PHKB: variants seen among roughly 807,000 people sequenced by gnomAD.
The protein encoded by PHKB is phosphorylase b kinase regulatory subunit beta.
PHKB carries 122 observed loss-of-function variants against 152.1 expected under a neutral mutation model. The observed-to-expected ratio is 0.80, with a 90% CI of 0.69 to 0.93. The LOEUF (loss-of-function observed/expected upper bound fraction) is 0.93. PHKB is among the 40% of genes least tolerant of loss of function. The pLI is 0.00. For synonymous variants in PHKB, 436 were observed against 464.9 expected (o/e 0.94, Z 0.80); for missense variants, 1,304 against 1,328.4 (o/e 0.98, Z 0.29).
At chr16:47,630,955 G>A (rs1172174872) in intron 14 of PHKB, among the ~76,000 whole-genome samples, 2 of 152,066 alleles carry the variant, frequency 1.3e-5, no homozygotes, top group African/African-American at 4.8e-5. Flanking sequence ...GTCTGAGCCT[G>A]CCAGTCTTCA....
At chr16:47,694,711 A>G (rs1567360266) in intron 28 of PHKB, among the ~76,000 whole-genome samples, 2 of 152,206 alleles carry the variant, frequency 1.3e-5, no homozygotes, top group Non-Finnish European at 2.9e-5. Flanking sequence ...GAGCAGCACC[A>G]TCTCTTGAGA....
At chr16:47,552,292 C>T (rs1164046687) in intron 7 of PHKB, among the ~76,000 whole-genome samples, 1 of 152,180 alleles carries the variant, frequency 6.6e-6, no homozygotes, top group Non-Finnish European at 1.5e-5. Context: ...TTACTTCATG[C>T]AGTTTCTTCA....
intron 14 of PHKB, chr16:47,619,413 GC>G (rs1264170040): frequency 6.6e-6 from 1 of 152,124 alleles, no homozygotes; most frequent in Non-Finnish European, 1.5e-5. Context: ...ACACAAAGAT[GC>G]CCCATCAGTA....
At chr16:47,600,006 AC>A (rs1159952258) in intron 13 of PHKB, among the ~76,000 whole-genome samples, 1 of 152,194 alleles carries the variant, frequency 6.6e-6, no homozygotes, top group Non-Finnish European at 1.5e-5. Flanking sequence ...CTGCTTGACA[AC>A]ATTTTGTGGA....
chr16:47,573,638 C>CA (rs1340598978), intron 7 of PHKB, among the ~76,000 whole-genome samples: 2 of 152,196 alleles, frequency 1.3e-5, no homozygotes, highest in Non-Finnish European at 2.9e-5. Flanking sequence ...CTGCCCAAGA[C>CA]AAAGACCAAG....
chr16:47,698,946 C>A (rs1974202225), intron 30 of PHKB, among the ~76,000 whole-genome samples: 1 of 151,986 alleles, frequency 6.6e-6, no homozygotes. Context: ...CTGCGTACTG[C>A]CTAATATAGG....
intron 16 of PHKB, among the ~76,000 whole-genome samples, chr16:47,648,265 C>A (rs1168892415): frequency 1.3e-5 from 2 of 151,998 alleles, no homozygotes; most frequent in African/African-American, 4.8e-5. Flanking sequence ...CAGAGCCATG[C>A]AAGTTGTACA....
chr16:47,490,909 C>A (rs1970139296), intron 1 of PHKB, among the ~76,000 whole-genome samples: 1 of 152,170 alleles, frequency 6.6e-6, no homozygotes, highest in Non-Finnish European at 1.5e-5. Context: ...TTCCACGATC[C>A]TTCTGCCACT....
At chr16:47,546,560 G>T (rs1212446172) in intron 6 of PHKB, among the ~76,000 whole-genome samples, 1 of 152,196 alleles carries the variant, frequency 6.6e-6, no homozygotes, top group Non-Finnish European at 1.5e-5. Flanking sequence ...CTACATGGGG[G>T]TCAGGGACCC....
At chr16:47,477,130 TA>T (rs56692130) in intron 1 of PHKB, among the ~76,000 whole-genome samples, 43 of 152,346 alleles carry the variant, frequency 2.8e-4, no homozygotes, top group African/African-American at 9.6e-4. Context: ...TGTTTTTACA[TA>T]TTTTCTGACA....
intron 16 of PHKB, among the ~76,000 whole-genome samples, chr16:47,647,428 C>T (rs1053115913): frequency 6.6e-6 from 1 of 151,034 alleles, no homozygotes; most frequent in East Asian, 2.0e-4. Flanking sequence ...CCAGCTTTCC[C>T]CTTCAGTTTT....
At chr16:47,690,224 A>G (rs931211797) in intron 27 of PHKB, among the ~76,000 whole-genome samples, 1 of 152,218 alleles carries the variant, frequency 6.6e-6, no homozygotes. Context: ...GCAAAAAGAT[A>G]TAATCACACC....
chr16:47,540,537 G>A (rs1971035824), intron 6 of PHKB, among the ~76,000 whole-genome samples: 1 of 151,852 alleles, frequency 6.6e-6, no homozygotes, highest in Non-Finnish European at 1.5e-5. Flanking sequence ...TGGGCATCAT[G>A]GTCCTACCGA....
At chr16:47,491,119 A>C (rs910941128) in intron 1 of PHKB, among the ~76,000 whole-genome samples, 1 of 152,212 alleles carries the variant, frequency 6.6e-6, no homozygotes, top group Non-Finnish European at 1.5e-5. Context: ...ACTTTAATGT[A>C]AATCCTGGCA....
chr16:47,611,522 A>G (rs192654994), intron 14 of PHKB, among the ~76,000 whole-genome samples: 23 of 152,290 alleles, frequency 1.5e-4, no homozygotes, highest in Admixed American at 3.3e-4. Context: ...AAACTGCCTG[A>G]AGAGAAAGGG....
intron 13 of PHKB, among the ~76,000 whole-genome samples, chr16:47,605,343 C>T (rs768298265): frequency 1.3e-5 from 2 of 152,002 alleles, no homozygotes; most frequent in African/African-American, 4.8e-5. Context: ...AAGAGAAACA[C>T]GAAGGAAATG....
chr16:47,478,412 G>A (rs1221570837), intron 1 of PHKB, among the ~76,000 whole-genome samples: 1 of 150,862 alleles, frequency 6.6e-6, no homozygotes, highest in East Asian at 1.9e-4. Context: ...TGTCATTAAA[G>A]CAGTATTTCT....
chr16:47,610,198 A>T (rs1972401827), intron 13 of PHKB, among the ~76,000 whole-genome samples: 1 of 127,780 alleles, frequency 7.8e-6, no homozygotes, highest in African/African-American at 3.0e-5. Context: ...TTTAGTAGAG[A>T]TGGAGTTTCA....
intron 23 of PHKB, among the ~76,000 whole-genome samples, chr16:47,663,292 A>G (rs1973475213): frequency 6.6e-6 from 1 of 152,198 alleles, no homozygotes; most frequent in Non-Finnish European, 1.5e-5. Flanking sequence ...GAACAAATAA[A>G]TGAAAACTCA....
Sources: gnomAD v4.1 joint callset for allele counts (sites outside exome capture counted in the v4.1 genomes callset) on GRCh38, gnomAD v4.1.1 for gene constraint, MANE v1.5 for transcripts, NCBI Gene and HGNC (gene_info 2026-07-23, HGNC 2026-07-21) for gene names.